The following FGF12 variants were observed in gnomAD, a reference collection of about 807,000 sequenced individuals.
FGF12 encodes fibroblast growth factor 12B.
Under a neutral mutation model 23.6 loss-of-function variants are expected in FGF12, and 14 were observed. The observed-to-expected ratio is 0.59, with a 90% CI of 0.39 to 0.93. The LOEUF (loss-of-function observed/expected upper bound fraction) is 0.93, where lower values mean the gene tolerates loss of function less well. FGF12 is among the 40% of genes least tolerant of loss of function. The pLI is 0.00. For missense variants in FGF12, 175 were observed against 217.8 expected (o/e 0.80, Z 1.24); for synonymous variants, 62 against 77.3 (o/e 0.80, Z 1.04).
intron 4 of FGF12, among the ~76,000 whole-genome samples, chr3:192,313,561 C>A (rs564877345): frequency 6.6e-6 from 1 of 152,204 alleles, no homozygotes; most frequent in Non-Finnish European, 1.5e-5. Flanking sequence ...ACTCATCAAG[C>A]AATAAGCTTC....
chr3:192,362,177 C>T (rs775329193), intron 2 of FGF12, among the ~76,000 whole-genome samples: 1 of 152,060 alleles, frequency 6.6e-6, no homozygotes, highest in Non-Finnish European at 1.5e-5. Context: ...TCATCTAATC[C>T]CACAACTATG....
intron 2 of FGF12, among the ~76,000 whole-genome samples, chr3:192,472,391 A>G (rs1723200290): frequency 6.6e-6 from 1 of 152,146 alleles, no homozygotes; most frequent in Non-Finnish European, 1.5e-5. Context: ...CATCCAGTCC[A>G]GCTACACCAG....
intron 2 of FGF12, among the ~76,000 whole-genome samples, chr3:192,547,724 T>C (rs577876569): frequency 3.3e-5 from 5 of 152,352 alleles, no homozygotes; most frequent in East Asian, 3.9e-4. Context: ...TCTAGGTATA[T>C]AATGCTAGAA....
chr3:192,148,326 G>C (rs1306640375), intron 5 of FGF12, among the ~76,000 whole-genome samples: 1 of 152,202 alleles, frequency 6.6e-6, no homozygotes, highest in East Asian at 1.9e-4. Flanking sequence ...GAACCTTGAA[G>C]AAATTCTGCT....
At chr3:192,598,515 G>A (rs1251909297) in intron 2 of FGF12, among the ~76,000 whole-genome samples, 12 of 152,188 alleles carry the variant, frequency 7.9e-5, no homozygotes. Context: ...CACTAGTCAA[G>A]GACATGGGAG....
At chr3:192,508,388 G>T (rs1436593476) in intron 2 of FGF12, among the ~76,000 whole-genome samples, 1 of 152,152 alleles carries the variant, frequency 6.6e-6, no homozygotes. Flanking sequence ...GATAACAATT[G>T]CATACACTAA....
intron 2 of FGF12, among the ~76,000 whole-genome samples, chr3:192,374,233 T>C (rs966680194): frequency 1.3e-5 from 2 of 152,256 alleles, no homozygotes; most frequent in Non-Finnish European, 2.9e-5. Flanking sequence ...TTAGAATCTC[T>C]GTGTTTTCTT....
In FGF12 at chr3:192,264,002, A is replaced by G. The variant is rs549915468; in HGVS notation, c.228+71359T>C. On this transcript the variant is annotated intron_variant, in intron 4 of 5. Coordinates refer to ENST00000445105, the MANE Select transcript of FGF12 (RefSeq NM_004113.6). ...TGCAAAATTAAAGCAAACTTTCCTT[A>G]CTGAGCCTAAAGAGGATCTAATGTG... Among the ~76,000 whole-genome samples, 14 of 152,208 alleles carry G rather than the reference A, an allele frequency of 9.2e-5. No homozygotes were observed. In the East Asian group the frequency reaches 2.7e-3, roughly 29 times the overall value.
At chr3:192,525,916 A>C (rs1464864878) in intron 2 of FGF12, among the ~76,000 whole-genome samples, 1 of 152,184 alleles carries the variant, frequency 6.6e-6, no homozygotes, top group Non-Finnish European at 1.5e-5. Flanking sequence ...CTGGGACTAC[A>C]GGTGTGCGCC....
chr3:192,204,667 C>T (rs1343118318), intron 4 of FGF12, among the ~76,000 whole-genome samples: 6 of 152,128 alleles, frequency 3.9e-5, no homozygotes, highest in Non-Finnish European at 1.5e-5. Context: ...GGGTGAATCA[C>T]TTGAGGTCAG....
At position 192,605,203 on chromosome 3, in the gene FGF12, C is replaced by G. The variant is rs141982684; in HGVS notation, c.13+121978G>C. On this transcript the variant is annotated intron_variant, in intron 2 of 5. Coordinates refer to ENST00000445105, the MANE Select transcript of FGF12 (RefSeq NM_004113.6). ...ACCATCCTGGCCAACATGGTGAAAC[C>G]CTGTCTCTACTAAAAATACAAAAAT... Among the ~76,000 whole-genome samples the G allele has an allele frequency of 1.6e-4, 25 of 152,014 alleles. No homozygotes were observed. The East Asian group carries it at 4.7e-3, about 28-fold the overall frequency.
intron 4 of FGF12, among the ~76,000 whole-genome samples, chr3:192,175,477 C>G (rs1244342686): frequency 6.6e-6 from 1 of 151,824 alleles, no homozygotes; most frequent in Admixed American, 6.6e-5. Flanking sequence ...CTATTTTTCA[C>G]AATTATTACT....
At chr3:192,499,531 T>G (rs1206692921) in intron 2 of FGF12, among the ~76,000 whole-genome samples, 1 of 102,288 alleles carries the variant, frequency 9.8e-6, no homozygotes, top group African/African-American at 3.9e-5. Context: ...TTTTTTTTTT[T>G]TTTTTTTTTT....
intron 4 of FGF12, among the ~76,000 whole-genome samples, chr3:192,281,788 C>T (rs1216136239): frequency 6.6e-6 from 1 of 152,084 alleles, no homozygotes; most frequent in Admixed American, 6.6e-5. Flanking sequence ...CTCAGCCCTC[C>T]CAAAGCTGTT....
intron 4 of FGF12, among the ~76,000 whole-genome samples, chr3:192,246,860 A>C (rs1711615448): frequency 6.7e-6 from 1 of 149,952 alleles, no homozygotes; most frequent in African/African-American, 2.4e-5. Flanking sequence ...GAGGAAAGAG[A>C]GAGAGAGAGA....
intron 5 of FGF12, among the ~76,000 whole-genome samples, chr3:192,145,808 A>T (rs1346981674): frequency 6.6e-6 from 1 of 152,234 alleles, no homozygotes; most frequent in Admixed American, 6.5e-5. Flanking sequence ...CAAGTAAGTC[A>T]TTCAAGTTTG....
intron 4 of FGF12, among the ~76,000 whole-genome samples, chr3:192,261,947 T>C (rs1369944433): frequency 1.3e-5 from 2 of 152,116 alleles, no homozygotes; most frequent in Admixed American, 1.3e-4. Flanking sequence ...CTGATTTTAT[T>C]AAGGAGGGGG....
chr3:192,676,086 C>T (rs1478057765), intron 2 of FGF12, among the ~76,000 whole-genome samples: 1 of 152,162 alleles, frequency 6.6e-6, no homozygotes, highest in Non-Finnish European at 1.5e-5. Flanking sequence ...CATCACACAG[C>T]CACCAAACCA....
At chr3:192,325,567 C>T (rs1354579975) in intron 4 of FGF12, among the ~76,000 whole-genome samples, 1 of 152,126 alleles carries the variant, frequency 6.6e-6, no homozygotes, top group African/African-American at 2.4e-5. Flanking sequence ...GAATATGCCT[C>T]AGATTTCAGA....
Sources: allele counts gnomAD v4.1 joint callset (sites outside exome capture counted in the v4.1 genomes callset), GRCh38; gene constraint gnomAD v4.1.1; transcripts MANE v1.5; gene names NCBI Gene and HGNC (gene_info 2026-07-23, HGNC 2026-07-21).